The following WWOX variants were observed in gnomAD, a reference collection of about 807,000 sequenced individuals.
WWOX encodes the protein WW domain-containing oxidoreductase.
WWOX carries 69 observed loss-of-function variants against 46.2 expected under a neutral mutation model. The observed-to-expected ratio is 1.49, with a 90% confidence interval of 1.23 to 1.82. WWOX has a LOEUF of 1.82. Among genes scored for constraint, WWOX ranks in the 40% most tolerant of loss-of-function variants. WWOX has a pLI of 0.00. For synonymous variants in WWOX, 359 were observed against 202.6 expected (o/e 1.77, Z -6.56); for missense variants, 919 against 542.6 (o/e 1.69, Z -6.89).
chr16:78,747,411 G>T (rs1386969843), intron 8 of WWOX, among the ~76,000 whole-genome samples: 1 of 151,944 alleles, frequency 6.6e-6, no homozygotes, highest in African/African-American at 2.4e-5. Flanking sequence ...GGCCTACCCT[G>T]ACCATCCTAC....
chr16:78,950,718 ACACT>A (rs1335929279), intron 8 of WWOX, among the ~76,000 whole-genome samples: 1 of 152,166 alleles, frequency 6.6e-6, no homozygotes, highest in Non-Finnish European at 1.5e-5. Flanking sequence ...TTTCTCTTAG[ACACT>A]CACGGTGATA....
At chr16:78,298,988 A>T (rs6564522) in intron 5 of WWOX, among the ~76,000 whole-genome samples, 72,531 of 151,728 alleles carry the variant, frequency 0.48, 17,692 homozygotes, top group East Asian at 0.58. Flanking sequence ...CCTCTTTCGA[A>T]GAAAGTTTAC....
intron 8 of WWOX, among the ~76,000 whole-genome samples, chr16:78,607,319 A>G (rs1402807680): frequency 6.6e-6 from 1 of 152,198 alleles, no homozygotes; most frequent in Non-Finnish European, 1.5e-5. Flanking sequence ...TCCTGTGAGT[A>G]CGTAAATGAA....
chr16:78,962,321 TTTTTTAAA>T (rs1437546311), intron 8 of WWOX, among the ~76,000 whole-genome samples: 2 of 93,104 alleles, frequency 2.1e-5, no homozygotes, highest in Admixed American at 1.3e-4. Flanking sequence ...TTTTTTTTTT[TTTTTTAAA>T]AAAAAAAAAA....
At chr16:78,217,029 C>A (rs561319235) in intron 5 of WWOX, among the ~76,000 whole-genome samples, 1 of 152,260 alleles carries the variant, frequency 6.6e-6, no homozygotes, top group East Asian at 1.9e-4. Flanking sequence ...AGCCCCTCTC[C>A]CTATTTTAAT....
chr16:78,289,560 G>A (rs747039700), intron 5 of WWOX, among the ~76,000 whole-genome samples: 5 of 152,124 alleles, frequency 3.3e-5, no homozygotes, highest in Non-Finnish European at 7.4e-5. Context: ...AATCGGTTCC[G>A]CTGTCCTGCT....
At chr16:78,680,987 G>A (rs765058850) in intron 8 of WWOX, among the ~76,000 whole-genome samples, 9 of 152,254 alleles carry the variant, frequency 5.9e-5, no homozygotes, top group Admixed American at 1.3e-4. Context: ...AGTGGCTCAC[G>A]CCTGTAATCC....
chr16:78,992,119 A>G (rs554125743), intron 8 of WWOX, among the ~76,000 whole-genome samples: 1 of 152,290 alleles, frequency 6.6e-6, no homozygotes, highest in East Asian at 1.9e-4. Context: ...AGATGTAGCA[A>G]TGAGTGAAAG....
At chr16:78,833,220 T>G (rs1006804406) in intron 8 of WWOX, among the ~76,000 whole-genome samples, 1 of 152,110 alleles carries the variant, frequency 6.6e-6, no homozygotes, top group African/African-American at 2.4e-5. Context: ...TTTGACTATT[T>G]TTTTGTAGAG....
chr16:78,856,139 G>A (rs781297019), intron 8 of WWOX, among the ~76,000 whole-genome samples: 58 of 152,282 alleles, frequency 3.8e-4, no homozygotes, highest in Non-Finnish European at 6.6e-4. Flanking sequence ...GTTCAGGGTT[G>A]AAAAGAGTCA....
intron 5 of WWOX, among the ~76,000 whole-genome samples, chr16:78,310,893 C>T (rs986273453): frequency 1.1e-4 from 17 of 152,138 alleles, no homozygotes; most frequent in African/African-American, 4.1e-4. Context: ...GTAGGGGCAC[C>T]CTTGTTGTCA....
At chr16:79,095,222 G>A (rs1049212878) in intron 8 of WWOX, among the ~76,000 whole-genome samples, 1 of 152,182 alleles carries the variant, frequency 6.6e-6, no homozygotes, top group Non-Finnish European at 1.5e-5. Flanking sequence ...CCCCAACAGG[G>A]CTTTCTCCCT....
At chr16:78,438,722 T>G (rs1470442723) in intron 8 of WWOX, among the ~76,000 whole-genome samples, 1 of 152,168 alleles carries the variant, frequency 6.6e-6, no homozygotes, top group Non-Finnish European at 1.5e-5. Context: ...TGGCTTACGT[T>G]TATGGAACTT....
At chr16:78,912,974 C>G (rs536423026) in intron 8 of WWOX, among the ~76,000 whole-genome samples, 2 of 152,108 alleles carry the variant, frequency 1.3e-5, no homozygotes, top group East Asian at 1.9e-4. Context: ...CCACAAAGAA[C>G]TCGGCATCCC....
rs372104130 is a variant in WWOX at position 78,843,023 on chromosome 16, A to G, written c.1057-368585A>G. Among the ~76,000 whole-genome samples, 3 of 149,812 alleles carry G rather than the reference A, an allele frequency of 2.0e-5. No individual in the cohort carries two copies. In the South Asian group the frequency reaches 6.6e-4, roughly 33 times the overall value. ...AGGATGTTTGTTAACAGGGCTGGCTATTTTACTTTAAGTGCTGCAAACATT... is the reference window on the plus strand; with the variant it reads ...AGGATGTTTGTTAACAGGGCTGGCTGTTTTACTTTAAGTGCTGCAAACATT... On this transcript the variant is annotated intron_variant, in intron 8 of 8. Transcript: ENST00000566780.
intron 8 of WWOX, among the ~76,000 whole-genome samples, chr16:78,459,402 C>T (rs557198760): frequency 1.3e-5 from 2 of 152,180 alleles, no homozygotes; most frequent in Admixed American, 6.5e-5. Context: ...ACAAGTGGAG[C>T]GTGATTTCAT....
At position 78,134,146 on chromosome 16, in the gene WWOX, G is replaced by T. The variant is rs79194810; in HGVS notation, c.409+18992G>T. On this transcript the variant is annotated intron_variant, in intron 4 of 8. Transcript: ENST00000566780. ...AACATTGTTAATGTTGACTTTACTA[G>T]TTGCTCAAATATTAGCATTGGATTT... Among the ~76,000 whole-genome samples the T allele has an allele frequency of 8.5e-3, 1,293 of 152,286 alleles. 17 individuals carry two copies. Among genetic ancestry groups the T allele is most frequent in the African/African-American group, 0.029 (1,226 of 41,562 alleles).
chr16:79,069,618 A>G (rs188080442), intron 8 of WWOX, among the ~76,000 whole-genome samples: 50 of 151,434 alleles, frequency 3.3e-4, no homozygotes, highest in Non-Finnish European at 6.9e-4. Context: ...GTTATCAACC[A>G]TTATTGAAGT....
chr16:78,657,416 G>C (rs1027130433), intron 8 of WWOX, among the ~76,000 whole-genome samples: 5 of 152,130 alleles, frequency 3.3e-5, no homozygotes, highest in African/African-American at 1.2e-4. Flanking sequence ...GGGCCCTGCA[G>C]CATGTCAAGA....
Sources: allele counts gnomAD v4.1 joint callset (sites outside exome capture counted in the v4.1 genomes callset), GRCh38; gene constraint gnomAD v4.1.1; transcripts MANE v1.5; gene names NCBI Gene and HGNC (gene_info 2026-07-23, HGNC 2026-07-21).